SOX6: variants seen among roughly 807,000 people sequenced by gnomAD.
The protein encoded by SOX6 is SRY-box transcription factor 6.
Under a neutral mutation model 97.8 loss-of-function variants are expected in SOX6, and 11 were observed. The ratio of observed to expected loss-of-function variants is 0.11; its 90% CI spans 0.07 to 0.19. The LOEUF (loss-of-function observed/expected upper bound fraction) is 0.19. Ranked by LOEUF, SOX6 falls within the 10% of genes least tolerant of loss-of-function variation. SOX6 has a pLI of 1.00. For synonymous variants in SOX6, 360 were observed against 371.4 expected, an observed-to-expected ratio of 0.97 and a Z score of 0.35; for missense variants, 810 against 1,039.5, an observed-to-expected ratio of 0.78 and a Z score of 3.04.
intron 3 of SOX6, among the ~76,000 whole-genome samples, chr11:16,697,505 G>A (rs1361769882): frequency 6.6e-6 from 1 of 152,108 alleles, no homozygotes; most frequent in Non-Finnish European, 1.5e-5. Context: ...ATAGTGGCAC[G>A]TGCCTGTAAT....
chr11:16,153,839 T>C (rs55689121), intron 6 of SOX6, among the ~76,000 whole-genome samples: 14,547 of 151,822 alleles, frequency 0.096, 1,421 homozygotes, highest in East Asian at 0.37. Context: ...TTTTTAAAAG[T>C]CAAAAATAAA....
chr11:16,017,491 A>G (rs940304581), intron 12 of SOX6, among the ~76,000 whole-genome samples: 2 of 152,078 alleles, frequency 1.3e-5, no homozygotes, highest in Admixed American at 1.3e-4. Context: ...TTTCATATAA[A>G]TTTCCACCTA....
At position 16,404,967 on chromosome 11, in the gene SOX6, A is replaced by G. The variant is rs553936528; in HGVS notation, c.-4-63715T>C. ...TTGTGCGTGATATCTTTCTGCTAGC[A>G]TTTCTTATTTAATTAAAACAGACAC... On this transcript the variant is annotated intron_variant, in intron 1 of 15. Transcript: ENST00000396356. Among the ~76,000 whole-genome samples the G allele has an allele frequency of 1.4e-3, 206 of 152,028 alleles. No individual in the cohort carries two copies. The Middle Eastern group carries it at 0.014, about 10-fold the overall frequency.
chr11:16,611,814 C>A (rs755498740), intron 4 of SOX6, among the ~76,000 whole-genome samples: 18 of 152,156 alleles, frequency 1.2e-4, no homozygotes, highest in African/African-American at 4.3e-4. Context: ...TTTGAATCTG[C>A]GTGTCATTTC....
At chr11:16,110,432 T>C (rs942459579) in intron 7 of SOX6, 2 of 151,866 alleles carry the variant, frequency 1.3e-5, no homozygotes, top group Admixed American at 6.6e-5. Context: ...TGAAAAAATA[T>C]ACTCCTGTCC....
At chr11:16,281,365 T>A (rs954480290) in intron 3 of SOX6, among the ~76,000 whole-genome samples, 6 of 152,172 alleles carry the variant, frequency 3.9e-5, no homozygotes, top group African/African-American at 1.4e-4. Flanking sequence ...TTTCGTACAT[T>A]TATTTGAATG....
In SOX6 at chr11:16,259,804, GA is replaced by G. The variant is rs200356348; in HGVS notation, c.446-25134del. Among the ~76,000 whole-genome samples the G allele has an allele frequency of 4.4e-3, 662 of 152,106 alleles. 4 individuals carry two copies. The highest frequency in any genetic ancestry group is 0.015 in the African/African-American group (607 of 41,498). On this transcript the variant is annotated intron_variant, in intron 3 of 15. Transcript: ENST00000683767. ...GAAGAGGGAGTCTTCCAGGATACTA[GA>G]AATGTTCTATATCTTGCTATGGATG...
At chr11:16,341,366 T>A in intron 1 of SOX6, 114 bp from the exon 2 acceptor site, 4 of 1,439,334 alleles carry the variant, frequency 2.8e-6, no homozygotes, top group Non-Finnish European at 3.7e-6. Flanking sequence ...TTAGAGATAT[T>A]TGTGGTCCAC....
intron 3 of SOX6, among the ~76,000 whole-genome samples, chr11:16,660,055 T>A (rs1227103021): frequency 7.2e-5 from 11 of 152,144 alleles, no homozygotes; most frequent in African/African-American, 2.7e-4. Context: ...TTTATTAATC[T>A]TTTCAAAGAG....
chr11:16,618,238 T>C (rs918029766), intron 3 of SOX6, among the ~76,000 whole-genome samples: 1 of 151,934 alleles, frequency 6.6e-6, no homozygotes, highest in Non-Finnish European at 1.5e-5. Context: ...CTATTCTTTA[T>C]ATTTTCTTTT....
At chr11:16,499,876 G>T (rs1277363517) in intron 4 of SOX6, among the ~76,000 whole-genome samples, 2 of 152,182 alleles carry the variant, frequency 1.3e-5, no homozygotes, top group Non-Finnish European at 2.9e-5. Flanking sequence ...AATTCTACTA[G>T]AGGTACAAGG....
At chr11:16,276,070 G>T (rs547303961) in intron 3 of SOX6, among the ~76,000 whole-genome samples, 6 of 152,200 alleles carry the variant, frequency 3.9e-5, no homozygotes, top group African/African-American at 1.4e-4. Flanking sequence ...TGAGGTCAGA[G>T]AAGTTGGGAA....
At chr11:16,737,940 G>C (rs1396534547) in intron 1 of SOX6, among the ~76,000 whole-genome samples, 1 of 151,914 alleles carries the variant, frequency 6.6e-6, no homozygotes, top group African/African-American at 2.4e-5. Context: ...TTTGTGGCAG[G>C]GATGGACTTT....
intron 3 of SOX6, among the ~76,000 whole-genome samples, chr11:16,649,489 T>G (rs1849061718): frequency 6.6e-6 from 1 of 152,140 alleles, no homozygotes; most frequent in South Asian, 2.1e-4. Context: ...ACAAAATAAT[T>G]GTCAACCAAG....
intron 1 of SOX6, among the ~76,000 whole-genome samples, chr11:16,394,264 T>A (rs1194999082): frequency 6.6e-6 from 1 of 151,920 alleles, no homozygotes; most frequent in East Asian, 1.9e-4. Flanking sequence ...TATAAGATAA[T>A]ACATGAAAAA....
intron 3 of SOX6, among the ~76,000 whole-genome samples, chr11:16,299,857 T>C (rs1168052430): frequency 2.0e-5 from 3 of 152,188 alleles, no homozygotes; most frequent in African/African-American, 7.2e-5. Flanking sequence ...AGGAATACTT[T>C]CTTTTAAAAA....
In SOX6 at chr11:16,183,960, A is replaced by G. The variant is rs144474428; in HGVS notation, c.709-6T>C. 4.1e-4 allele frequency: 658 copies of G among 1,611,770 alleles called. 1 individual carries two copies. The African/African-American group carries it at 7.7e-3, about 19-fold the overall frequency. ...TGCTGCTGTTGTCTCGCAATCTATC[A>G]GAAATAAAGTTTCATTAAGTTAAAA... On this transcript the variant is annotated splice_polypyrimidine_tract_variant and splice_region_variant and intron_variant, in intron 5 of 15. Coordinates refer to ENST00000683767, the MANE Select transcript of SOX6 (RefSeq NM_001367873.1).
intron 12 of SOX6, among the ~76,000 whole-genome samples, chr11:16,023,467 C>T (rs1454807497): frequency 1.3e-5 from 2 of 151,984 alleles, no homozygotes; most frequent in African/African-American, 4.8e-5. Context: ...CTATTTAAAG[C>T]AGTGAAATAT....
intron 2 of SOX6, among the ~76,000 whole-genome samples, chr11:16,335,602 TA>T (rs1255824474): frequency 3.3e-5 from 5 of 152,328 alleles, no homozygotes; most frequent in African/African-American, 1.2e-4. Flanking sequence ...TTCAAGTTTT[TA>T]AAATCTTCTC....
Sources: allele counts gnomAD v4.1 joint callset (sites outside exome capture counted in the v4.1 genomes callset), GRCh38; gene constraint gnomAD v4.1.1; transcripts MANE v1.5; gene names NCBI Gene and HGNC (gene_info 2026-07-23, HGNC 2026-07-21).